PACRG: variants seen among roughly 807,000 people sequenced by gnomAD.
PACRG encodes the protein parkin coregulated gene protein.
Under a neutral mutation model 29.7 loss-of-function variants are expected in PACRG, and 29 were observed. The observed-to-expected ratio is 0.98, with a 90% confidence interval of 0.73 to 1.33. The LOEUF is 1.33. PACRG is among the 40% of genes most tolerant of loss of function. The probability of loss-of-function intolerance (pLI) is 0.00; values close to 1 mark genes in which losing one functional copy is unlikely to be tolerated. For synonymous variants in PACRG, 116 were observed against 118.7 expected (o/e 0.98, Z 0.15); for missense variants, 279 against 316.2 (o/e 0.88, Z 0.89).
At chr6:163,062,344 A>C in intron 3 of PACRG, 23 bp downstream of exon 3, 2 of 1,603,534 alleles carry the variant, frequency 1.2e-6, no homozygotes, top group Non-Finnish European at 1.7e-6. Flanking sequence ...GTGAAAAAGC[A>C]TCACTCAGTT....
chr6:162,846,525 G>A (rs886975499), intron 2 of PACRG, among the ~76,000 whole-genome samples: 1 of 152,108 alleles, frequency 6.6e-6, no homozygotes, highest in African/African-American at 2.4e-5. Flanking sequence ...CAGGCCAAAT[G>A]AATTTGGTCT....
chr6:163,005,691 A>G (rs1032485096), intron 2 of PACRG, among the ~76,000 whole-genome samples: 11 of 150,938 alleles, frequency 7.3e-5, no homozygotes, highest in African/African-American at 1.9e-4. Context: ...GTTTATCTCT[A>G]TTTTTAATTT....
chr6:162,738,719 G>C (rs1355949248), intron 1 of PACRG, among the ~76,000 whole-genome samples: 1 of 152,146 alleles, frequency 6.6e-6, no homozygotes, highest in Non-Finnish European at 1.5e-5. Context: ...TAATTAGAAT[G>C]ATTATTAAAT....
At chr6:162,870,349 A>G (rs1221649726) in intron 2 of PACRG, among the ~76,000 whole-genome samples, 1 of 152,236 alleles carries the variant, frequency 6.6e-6, no homozygotes, top group African/African-American at 2.4e-5. Flanking sequence ...GGATATTCCA[A>G]TGAGACTTTT....
At chr6:163,261,800 G>A (rs1783336322) in intron 4 of PACRG, among the ~76,000 whole-genome samples, 1 of 152,142 alleles carries the variant, frequency 6.6e-6, no homozygotes. Flanking sequence ...TGTTAGATAT[G>A]ATAAGTAATA....
At chr6:163,240,649 C>T (rs796136902) in intron 4 of PACRG, among the ~76,000 whole-genome samples, 13 of 152,278 alleles carry the variant, frequency 8.5e-5, no homozygotes, top group African/African-American at 2.9e-4. Flanking sequence ...CTAAACACCT[C>T]CTTGGATTTG....
At chr6:162,856,824 C>T (rs961888539) in intron 2 of PACRG, among the ~76,000 whole-genome samples, 3 of 152,220 alleles carry the variant, frequency 2.0e-5, no homozygotes, top group Non-Finnish European at 4.4e-5. Context: ...AGACACAGCA[C>T]TACTCTGAAG....
chr6:163,179,155 GC>G, intron 4 of PACRG: 1 of 455,358 alleles, frequency 2.2e-6, no homozygotes, highest in Non-Finnish European at 4.4e-6. Context: ...ATAGTGGAAA[GC>G]TTTGTAGCTT....
intron 4 of PACRG, among the ~76,000 whole-genome samples, chr6:163,282,771 A>T (rs1784263183): frequency 6.6e-6 from 1 of 152,160 alleles, no homozygotes; most frequent in South Asian, 2.1e-4. Flanking sequence ...AGCCATGACA[A>T]GGCTTACACC....
At position 163,048,322 on chromosome 6, in the gene PACRG, C is replaced by T. The variant is rs542057459; in HGVS notation, c.292-13828C>T. On this transcript the variant is annotated intron_variant, in intron 2 of 4. Coordinates refer to ENST00000366888, the MANE Select transcript of PACRG (RefSeq NM_001080379.2). The stretch of plus-strand genomic sequence containing the variant: ...GGATCTGCTATAGGTTTCTGCTAAG[C>T]GTTTTTATTTTTTAGTGAAGAAATT... Among the ~76,000 whole-genome samples the T allele has an allele frequency of 2.0e-4, 30 of 152,214 alleles. 1 individual carries two copies. In the South Asian group the frequency reaches 5.6e-3, roughly 28 times the overall value.
chr6:162,874,149 A>ATATATATAT (rs547779237), intron 2 of PACRG, among the ~76,000 whole-genome samples: 4 of 107,916 alleles, frequency 3.7e-5, no homozygotes, highest in African/African-American at 6.8e-5. Context: ...TAAAAAAAAA[A>ATATATATAT]AAATATATAT....
intron 4 of PACRG, among the ~76,000 whole-genome samples, chr6:163,176,805 C>T (rs117721828): frequency 2.7e-3 from 410 of 152,260 alleles, no homozygotes; most frequent in Non-Finnish European, 4.8e-3. Context: ...CGTCTTTGAA[C>T]ATAAACAACA....
intron 2 of PACRG, among the ~76,000 whole-genome samples, chr6:162,878,280 C>T (rs1793542235): frequency 1.3e-5 from 2 of 152,026 alleles, no homozygotes; most frequent in African/African-American, 4.8e-5. Flanking sequence ...ATTATAACAA[C>T]AGTTTTTAAA....
At chr6:162,975,564 T>G (rs181124936) in intron 2 of PACRG, among the ~76,000 whole-genome samples, 1 of 152,312 alleles carries the variant, frequency 6.6e-6, no homozygotes, top group Admixed American at 6.5e-5. Context: ...GCTTTTCCAT[T>G]TTTTTCTCTC....
At chr6:163,010,107 T>G (rs1391634281) in intron 2 of PACRG, among the ~76,000 whole-genome samples, 1 of 152,164 alleles carries the variant, frequency 6.6e-6, no homozygotes, top group Non-Finnish European at 1.5e-5. Flanking sequence ...TGCGATTCCC[T>G]TAGCAACATG....
At chr6:163,294,140 G>GTATT (rs1784707073) in intron 4 of PACRG, among the ~76,000 whole-genome samples, 1 of 152,084 alleles carries the variant, frequency 6.6e-6, no homozygotes, top group African/African-American at 2.4e-5. Context: ...TAAAATAGAT[G>GTATT]AGGAAATTGT....
chr6:162,848,731 A>G (rs1362122301), intron 2 of PACRG, among the ~76,000 whole-genome samples: 2 of 152,274 alleles, frequency 1.3e-5, no homozygotes, highest in Non-Finnish European at 1.5e-5. Flanking sequence ...GGCTTATTTC[A>G]TGTGAAATCA....
chr6:163,072,426 C>T (rs1812151341), intron 3 of PACRG, among the ~76,000 whole-genome samples: 1 of 152,032 alleles, frequency 6.6e-6, no homozygotes, highest in Non-Finnish European at 1.5e-5. Context: ...ATGAAAACCC[C>T]TCAAAAAACT....
Position 162,748,063 on chromosome 6 carries a change from TATGGTTTTTTAACC to T in PACRG, c.156+19675_156+19688del, listed in dbSNP as rs1462394348. On this transcript the variant is annotated intron_variant, in intron 1 of 4. Transcript: ENST00000366888. ...TTAATTCAACCTATTAATTTTACTC[TATGGTTTTTTAACC>T]ATAGATCTCACCTCTCTAACTCTAG... 3.3e-5 allele frequency among the ~76,000 whole-genome samples: 5 copies of T among 152,226 alleles called. No individual in the cohort carries two copies. The East Asian group carries it at 9.6e-4, about 29-fold the overall frequency.
Sources: gnomAD v4.1 joint callset for allele counts (sites outside exome capture counted in the v4.1 genomes callset) on GRCh38, gnomAD v4.1.1 for gene constraint, MANE v1.5 for transcripts, NCBI Gene and HGNC (gene_info 2026-07-23, HGNC 2026-07-21) for gene names.